ZBTB46: variants seen among roughly 807,000 people sequenced by gnomAD.
ZBTB46 encodes zinc finger and BTB domain-containing protein 46.
Under a neutral mutation model 44.1 loss-of-function variants are expected in ZBTB46, and 8 were observed. That is an observed-to-expected ratio of 0.18 (90% confidence interval 0.11 to 0.33). The LOEUF (loss-of-function observed/expected upper bound fraction) is 0.33, where lower values mean the gene tolerates loss of function less well. Ranked by LOEUF, ZBTB46 falls within the 10% of genes least tolerant of loss-of-function variation. The pLI, the probability that ZBTB46 is intolerant of heterozygous loss-of-function variation, is 1.00. For synonymous variants in ZBTB46, 409 were observed against 382.3 expected (o/e 1.07, Z -0.81); for missense variants, 651 against 847.7 (o/e 0.77, Z 2.88).
chr20:63,804,078 G>A (rs890059279), intron 1 of ZBTB46, among the ~76,000 whole-genome samples: 3 of 151,598 alleles, frequency 2.0e-5, no homozygotes, highest in African/African-American at 4.9e-5. Flanking sequence ...ACTGCCCTGC[G>A]CTGTCCCATC....
intron 1 of ZBTB46, among the ~76,000 whole-genome samples, chr20:63,825,588 C>T (rs1297012832): frequency 6.6e-6 from 1 of 152,112 alleles, no homozygotes; most frequent in Non-Finnish European, 1.5e-5. Flanking sequence ...CCTTGCTCCA[C>T]TTCTCAGCCT....
intron 1 of ZBTB46, among the ~76,000 whole-genome samples, chr20:63,815,613 A>G (rs2092747000): frequency 1.5e-5 from 2 of 133,034 alleles, no homozygotes; most frequent in Non-Finnish European, 3.1e-5. Context: ...AGGTGGGCAC[A>G]GGTGCAGAAG....
intron 3 of ZBTB46, among the ~76,000 whole-genome samples, chr20:63,760,582 G>A (rs916883222): frequency 2.0e-5 from 3 of 151,186 alleles, no homozygotes; most frequent in African/African-American, 7.3e-5. Context: ...TCAGCCTCCC[G>A]AGTAGCTAGG....
intron 1 of ZBTB46, among the ~76,000 whole-genome samples, chr20:63,826,001 C>T (rs1251617602): frequency 2.6e-5 from 4 of 152,340 alleles, no homozygotes; most frequent in East Asian, 1.9e-4. Context: ...GCTGTCAACA[C>T]CGGGAGTTCC....
At chr20:63,799,022 A>G (rs1408873722) in intron 1 of ZBTB46, among the ~76,000 whole-genome samples, 1 of 151,786 alleles carries the variant, frequency 6.6e-6, no homozygotes, top group African/African-American at 2.4e-5. Context: ...GCTCTCCACA[A>G]TTATTTTGGT....
At chr20:63,775,373 C>T (rs542180153) in intron 3 of ZBTB46, 9 of 308,832 alleles carry the variant, frequency 2.9e-5, no homozygotes, top group East Asian at 1.6e-4. Flanking sequence ...CTGCGCGACC[C>T]GGACGAGCTC....
intron 3 of ZBTB46, among the ~76,000 whole-genome samples, chr20:63,764,635 TC>T (rs1160578742): frequency 6.6e-6 from 1 of 150,526 alleles, no homozygotes; most frequent in Non-Finnish European, 1.5e-5. Flanking sequence ...GGAGTTTCGC[TC>T]TTGTTGCCCA....
intron 1 of ZBTB46, among the ~76,000 whole-genome samples, chr20:63,808,989 AAAAAAAAAAAGAAAAAG>A (rs1358585671): frequency 2.4e-4 from 36 of 147,012 alleles, no homozygotes; most frequent in Non-Finnish European, 1.9e-4. Context: ...AAAAAAAAAA[AAAAAAAAAAAGAAAAAG>A]AAAAAAAAAA....
intron 3 of ZBTB46, among the ~76,000 whole-genome samples, chr20:63,760,126 C>A (rs944201790): frequency 1.2e-4 from 18 of 152,202 alleles, no homozygotes; most frequent in African/African-American, 4.3e-4. Context: ...CAAGACCATG[C>A]CAGCTTAGAT....
intron 2 of ZBTB46, among the ~76,000 whole-genome samples, chr20:63,779,130 G>A (rs1045662598): frequency 3.3e-5 from 5 of 152,182 alleles, no homozygotes; most frequent in Admixed American, 6.5e-5. Context: ...CTCCCCAGAC[G>A]CAGCCACACG....
Position 63,803,006 on chromosome 20 carries a change from G to A in ZBTB46, c.-33-12216C>T, listed in dbSNP as rs892914816. 3.3e-5 allele frequency among the ~76,000 whole-genome samples: 5 copies of A among 152,160 alleles called. No individual in the cohort carries two copies. In the South Asian group the frequency reaches 6.2e-4, roughly 19 times the overall value. On this transcript the variant is annotated intron_variant, in intron 1 of 4. Transcript: ENST00000245663. The surrounding 1 kb of genome is among the most constrained non-coding windows in gnomAD (Gnocchi z 4.0). ...GGCAGCCCCAGGTCACTGACGCCCC[G>A]TTTCTACCACCAAAGAGCGCGATGC...
At chr20:63,812,246 A>T (rs1047918725) in intron 1 of ZBTB46, among the ~76,000 whole-genome samples, 3 of 152,248 alleles carry the variant, frequency 2.0e-5, no homozygotes, top group Non-Finnish European at 4.4e-5. Flanking sequence ...AAGGAGGCTC[A>T]GGCCTGTGAT....
At chr20:63,830,934 C>A (rs1334146873) in intron 1 of ZBTB46, among the ~76,000 whole-genome samples, 163 bp downstream of exon 1, 2 of 142,042 alleles carry the variant, frequency 1.4e-5, no homozygotes, top group African/African-American at 5.0e-5. Context: ...GCGCCGATGG[C>A]CCCCGGGAGG....
At chr20:63,808,895 G>T (rs6011135) in intron 1 of ZBTB46, among the ~76,000 whole-genome samples, 15,235 of 147,314 alleles carry the variant, frequency 0.1, 1,267 homozygotes, top group African/African-American at 0.24. Context: ...GAGAATGGCG[G>T]GAACCCGGGG....
intron 2 of ZBTB46, among the ~76,000 whole-genome samples, chr20:63,786,151 C>T (rs972237191): frequency 1.3e-5 from 2 of 152,196 alleles, no homozygotes; most frequent in African/African-American, 4.8e-5. Context: ...TCAGAATAAA[C>T]CCCCCAAAGC....
chr20:63,800,089 C>A (rs1601498111), intron 1 of ZBTB46, among the ~76,000 whole-genome samples: 2 of 152,338 alleles, frequency 1.3e-5, no homozygotes, highest in East Asian at 3.8e-4. Context: ...TGCTTCCAAA[C>A]TGCAGAGGCA....
In ZBTB46 at chr20:63,774,689, GTTTTTTTTGTTT is replaced by G. The variant is rs1366620256; in HGVS notation, c.1222+977_1222+988del. Among the ~76,000 whole-genome samples, 9 of 44,138 alleles carry G rather than the reference GTTTTTTTTGTTT, an allele frequency of 2.0e-4. 2 individuals are homozygous for G. The highest frequency in any genetic ancestry group is 3.1e-4 in the African/African-American group (3 of 9,662). 29.0% of individuals were successfully genotyped at this position (44,138 alleles called of 152,430 possible). A position where few individuals can be genotyped will look rare whatever the true frequency, so the allele number is the denominator to read the frequency against. ...GCTGGCTGGGGGCTGGCTGCGGTGGGTTTTTTTTGTTTTTTTTTTTGTTTTTTTTTTTGAGAC... is the reference window on the plus strand; with the variant it reads ...GCTGGCTGGGGGCTGGCTGCGGTGGGTTTTTTTTGTTTTTTTTTTTGAGAC... On this transcript the variant is annotated intron_variant, in intron 3 of 4. Coordinates refer to ENST00000245663, the MANE Select transcript of ZBTB46 (RefSeq NM_001369741.1).
At chr20:63,749,439 C>T (rs2092137508) in intron 4 of ZBTB46, among the ~76,000 whole-genome samples, 1 of 152,206 alleles carries the variant, frequency 6.6e-6, no homozygotes, top group African/African-American at 2.4e-5. Flanking sequence ...CGGGTTCATA[C>T]CATTCTCCTG....
intron 1 of ZBTB46, among the ~76,000 whole-genome samples, chr20:63,799,385 C>A (rs768137170): frequency 2.0e-5 from 3 of 149,032 alleles, no homozygotes; most frequent in Non-Finnish European, 1.5e-5. Flanking sequence ...GTCTTGCTGT[C>A]GCCCAGGCTA....
Sources: gnomAD v4.1 joint callset for allele counts (sites outside exome capture counted in the v4.1 genomes callset) on GRCh38, gnomAD v4.1.1 for gene constraint, Gnocchi (gnomAD v3.1) non-coding constraint, MANE v1.5 for transcripts, NCBI Gene and HGNC (gene_info 2026-07-23, HGNC 2026-07-21) for gene names.